CTNNA2: variants seen among roughly 807,000 people sequenced by gnomAD.
CTNNA2 encodes catenin alpha 2, also known as catenin alpha-2.
Under a neutral mutation model 101.0 loss-of-function variants are expected in CTNNA2, and 42 were observed. That is an observed-to-expected ratio of 0.42 (90% CI 0.32 to 0.54). CTNNA2 has a LOEUF of 0.54. Ranked by LOEUF, CTNNA2 falls within the 20% of genes least tolerant of loss-of-function variation. The pLI is 0.14. For synonymous variants in CTNNA2, 450 were observed against 456.4 expected, an observed-to-expected ratio of 0.99 and a Z score of 0.18; for missense variants, 871 against 1,223.1, an observed-to-expected ratio of 0.71 and a Z score of 4.29.
chr2:80,512,441 TA>T (rs1688781254), intron 9 of CTNNA2, among the ~76,000 whole-genome samples: 1 of 152,104 alleles, frequency 6.6e-6, no homozygotes, highest in African/African-American at 2.4e-5. Flanking sequence ...GTTTAAAAGA[TA>T]AACGTTCAGA....
In CTNNA2 at chr2:80,430,626, T is replaced by C. The variant is rs568461698; in HGVS notation, c.1290+11025T>C. ...CCAGCATACTGGTAATATTGCTTAG[T>C]ATACTCTCCAAAGTTGAGGAAGAGT... is the stretch of plus-strand genomic sequence containing the variant. On this transcript the variant is annotated intron_variant, in intron 9 of 18. Coordinates refer to ENST00000402739, the MANE Select transcript of CTNNA2 (RefSeq NM_001282597.3). Among the ~76,000 whole-genome samples, 4 of 152,324 alleles carry C rather than the reference T, an allele frequency of 2.6e-5. No individual in the cohort carries two copies. In the East Asian group the frequency reaches 7.7e-4, roughly 29 times the overall value.
intron 2 of CTNNA2, among the ~76,000 whole-genome samples, chr2:79,706,345 A>T (rs1366061906): frequency 7.2e-6 from 1 of 138,022 alleles, no homozygotes; most frequent in Non-Finnish European, 1.5e-5. Context: ...CCTGGGCGAC[A>T]GAGCGAGACT....
intron 3 of CTNNA2, among the ~76,000 whole-genome samples, chr2:79,795,364 TTAAA>T (rs1402119106): frequency 8.5e-5 from 13 of 152,122 alleles, no homozygotes; most frequent in African/African-American, 3.1e-4. Flanking sequence ...TACACAAACT[TTAAA>T]TATATTTTCC....
chr2:80,554,022 TAAAG>T (rs1457984069), intron 11 of CTNNA2, among the ~76,000 whole-genome samples: 1 of 152,190 alleles, frequency 6.6e-6, no homozygotes, highest in Non-Finnish European at 1.5e-5. Flanking sequence ...TAGTTGAAAT[TAAAG>T]AAATGGAGAA....
chr2:80,562,235 A>G (rs1321322500), intron 12 of CTNNA2, among the ~76,000 whole-genome samples: 1 of 152,148 alleles, frequency 6.6e-6, no homozygotes, highest in Non-Finnish European at 1.5e-5. Context: ...GTGTTTGTGA[A>G]TGATGTGTTC....
At chr2:80,642,607 G>T (rs1355520311) in intron 18 of CTNNA2, among the ~76,000 whole-genome samples, 1 of 152,188 alleles carries the variant, frequency 6.6e-6, no homozygotes, top group East Asian at 1.9e-4. Flanking sequence ...TCCTTTGAAA[G>T]AATGTGGTTG....
intron 1 of CTNNA2, among the ~76,000 whole-genome samples, chr2:79,630,549 A>T (rs987177348): frequency 3.9e-5 from 6 of 152,252 alleles, no homozygotes; most frequent in Non-Finnish European, 8.8e-5. Context: ...AAAAACTTTC[A>T]GTATACATAA....
At chr2:79,262,589 A>T (rs1674937316) in intron 2 of CTNNA2, among the ~76,000 whole-genome samples, 1 of 152,172 alleles carries the variant, frequency 6.6e-6, no homozygotes, top group Admixed American at 6.6e-5. Flanking sequence ...CGGCTCCCAA[A>T]GTATGTGTCT....
chr2:79,388,458 G>A (rs929792844), intron 4 of CTNNA2, among the ~76,000 whole-genome samples: 3 of 152,162 alleles, frequency 2.0e-5, no homozygotes, highest in Admixed American at 6.5e-5. Context: ...TTAGTGAACA[G>A]AATTATTGAC....
chr2:80,580,345 T>C (rs1345938659), intron 13 of CTNNA2, among the ~76,000 whole-genome samples: 3 of 152,192 alleles, frequency 2.0e-5, no homozygotes, highest in Non-Finnish European at 2.9e-5. Context: ...ACTGACTTTA[T>C]AGATTGGAAA....
At chr2:80,143,281 A>AT (rs941109364) in intron 7 of CTNNA2, among the ~76,000 whole-genome samples, 3 of 152,104 alleles carry the variant, frequency 2.0e-5, no homozygotes, top group East Asian at 1.9e-4. Context: ...ACTTCTATGT[A>AT]TTTTTTTGTG....
At chr2:80,341,746 A>C (rs1347377424) in intron 7 of CTNNA2, among the ~76,000 whole-genome samples, 1 of 152,234 alleles carries the variant, frequency 6.6e-6, no homozygotes, top group Non-Finnish European at 1.5e-5. Flanking sequence ...CATATGATCC[A>C]GTAATTCCAT....
At chr2:79,765,070 G>A (rs1033622469) in intron 3 of CTNNA2, among the ~76,000 whole-genome samples, 2 of 152,102 alleles carry the variant, frequency 1.3e-5, no homozygotes, top group African/African-American at 2.4e-5. Flanking sequence ...ATGGGAGAAG[G>A]GCATCATCCT....
At chr2:79,232,475 A>T (rs1674504786) in intron 2 of CTNNA2, among the ~76,000 whole-genome samples, 1 of 152,106 alleles carries the variant, frequency 6.6e-6, no homozygotes, top group Non-Finnish European at 1.5e-5. Context: ...ACCTATGTTC[A>T]TCAGGGATAT....
At chr2:80,049,185 A>T (rs577594745) in intron 7 of CTNNA2, among the ~76,000 whole-genome samples, 139 of 152,270 alleles carry the variant, frequency 9.1e-4, no homozygotes, top group African/African-American at 3.2e-3. Flanking sequence ...AAATCATTTC[A>T]TTTTTGGCCA....
chr2:80,546,965 A>T (rs1692131436), intron 11 of CTNNA2, among the ~76,000 whole-genome samples: 1 of 152,216 alleles, frequency 6.6e-6, no homozygotes, highest in Non-Finnish European at 1.5e-5. Context: ...CTCAGGCAGT[A>T]CTAGCCCTGA....
At chr2:80,620,253 T>C (rs1454099944) in intron 18 of CTNNA2, among the ~76,000 whole-genome samples, 1 of 147,554 alleles carries the variant, frequency 6.8e-6, no homozygotes. Flanking sequence ...GTATCATCCC[T>C]TTTTTTTTTC....
At chr2:79,274,334 G>C (rs1264209838) in intron 2 of CTNNA2, among the ~76,000 whole-genome samples, 1 of 152,036 alleles carries the variant, frequency 6.6e-6, no homozygotes, top group Non-Finnish European at 1.5e-5. Context: ...CACTGAGTTT[G>C]ATGCCAGTGG....
intron 4 of CTNNA2, among the ~76,000 whole-genome samples, chr2:79,388,954 G>A (rs1678137067): frequency 6.6e-6 from 1 of 152,096 alleles, no homozygotes; most frequent in Admixed American, 6.6e-5. Flanking sequence ...TCTAGCCAAG[G>A]TGAACACTAC....
Sources: allele counts gnomAD v4.1 joint callset (sites outside exome capture counted in the v4.1 genomes callset), GRCh38; gene constraint gnomAD v4.1.1; transcripts MANE v1.5; gene names NCBI Gene and HGNC (gene_info 2026-07-23, HGNC 2026-07-21).